Variants in FRS2 observed in about 807,000 individuals in gnomAD.
FRS2 encodes the protein FGFR signalling adaptor.
Under a neutral mutation model 43.9 loss-of-function variants are expected in FRS2, and 8 were observed. The ratio of observed to expected loss-of-function variants is 0.18; its 90% confidence interval spans 0.11 to 0.33. The LOEUF is 0.33. Ranked by LOEUF, FRS2 falls within the 10% of genes least tolerant of loss-of-function variation. The pLI, the probability that FRS2 is intolerant of heterozygous loss-of-function variation, is 1.00. For missense variants in FRS2, 534 were observed against 627.6 expected, an observed-to-expected ratio of 0.85 and a Z score of 1.59; for synonymous variants, 219 against 220.3, an observed-to-expected ratio of 0.99 and a Z score of 0.05.
At chr12:69,485,584 G>A (rs1293254650) in intron 1 of FRS2, among the ~76,000 whole-genome samples, 2 of 152,034 alleles carry the variant, frequency 1.3e-5, no homozygotes, top group African/African-American at 4.8e-5. Context: ...CCAAGTTCAG[G>A]CGATTTTCCT....
At chr12:69,553,369 C>T (rs1054909286) in intron 3 of FRS2, among the ~76,000 whole-genome samples, 1 of 152,196 alleles carries the variant, frequency 6.6e-6, no homozygotes, top group African/African-American at 2.4e-5. Context: ...CTGCGCCTGG[C>T]CCACTTGGAG....
At chr12:69,547,237 G>A (rs2135724279) in intron 3 of FRS2, among the ~76,000 whole-genome samples, 1 of 152,132 alleles carries the variant, frequency 6.6e-6, no homozygotes, top group East Asian at 1.9e-4. Context: ...TAACGGCCGT[G>A]GAGTTTCAGT....
At chr12:69,533,443 G>A (rs1876992437) in intron 3 of FRS2, among the ~76,000 whole-genome samples, 1 of 151,824 alleles carries the variant, frequency 6.6e-6, no homozygotes, top group Admixed American at 6.6e-5. Context: ...TCCGCCTCCT[G>A]GGTTCAAGTG....
chr12:69,543,617 G>T (rs909710035), intron 3 of FRS2, among the ~76,000 whole-genome samples: 5 of 151,772 alleles, frequency 3.3e-5, no homozygotes, highest in Non-Finnish European at 7.4e-5. Context: ...GTGGGTAAGG[G>T]TTTATCTATT....
At chr12:69,482,817 T>C (rs1350406794) in intron 1 of FRS2, among the ~76,000 whole-genome samples, 1 of 152,230 alleles carries the variant, frequency 6.6e-6, no homozygotes, top group African/African-American at 2.4e-5. Flanking sequence ...AATTGACTGA[T>C]ATTTTCATTT....
intron 3 of FRS2, among the ~76,000 whole-genome samples, chr12:69,539,420 A>G (rs1180259927): frequency 6.6e-6 from 1 of 152,134 alleles, no homozygotes. Flanking sequence ...CATATACATA[A>G]TGAGATATCT....
At chr12:69,491,261 A>AT (rs532820003) in intron 1 of FRS2, among the ~76,000 whole-genome samples, 1 of 151,684 alleles carries the variant, frequency 6.6e-6, no homozygotes, top group African/African-American at 2.4e-5. Context: ...CACCTGCCTA[A>AT]TTTTTTATAT....
intron 1 of FRS2, among the ~76,000 whole-genome samples, chr12:69,485,116 C>CAG (rs1871768486): frequency 6.7e-6 from 1 of 149,284 alleles, no homozygotes. Flanking sequence ...CACACACACA[C>CAG]ACACACACAC....
chr12:69,484,519 T>C (rs1871653083), intron 1 of FRS2, among the ~76,000 whole-genome samples: 1 of 152,222 alleles, frequency 6.6e-6, no homozygotes, highest in Non-Finnish European at 1.5e-5. Context: ...CTTTGGTCTT[T>C]ATCATTATCT....
At chr12:69,556,211 CT>C (rs1442681779) in intron 3 of FRS2, among the ~76,000 whole-genome samples, 3 of 152,068 alleles carry the variant, frequency 2.0e-5, no homozygotes, top group Admixed American at 6.6e-5. Context: ...CATATTTAGA[CT>C]TTTAATATTA....
At chr12:69,530,499 G>A (rs1333187245) in intron 1 of FRS2, among the ~76,000 whole-genome samples, 1 of 152,194 alleles carries the variant, frequency 6.6e-6, no homozygotes, top group Non-Finnish European at 1.5e-5. Flanking sequence ...AGCACTTTGG[G>A]AGGCTGAGAT....
In FRS2 at chr12:69,576,156, G is replaced by C. The variant is rs1392216084; in HGVS notation, c.*1201G>C. 6.6e-6 allele frequency: 1 copy of C among 152,386 alleles called. No homozygotes were observed. The highest frequency in any genetic ancestry group is 1.5e-5 in the Non-Finnish European group (1 of 68,024). 9.4% of individuals were successfully genotyped at this position (152,386 alleles called of 1,614,324 possible). On this transcript the variant is annotated 3_prime_UTR_variant, in exon 9 of 9. Coordinates refer to ENST00000549921, the MANE Select transcript of FRS2 (RefSeq NM_001278356.2). ...CAAGGTGTACCGTGTTGTCTCTGTGGGCACTCTTCCCCAGCACTTTAGCAG... is the reference window on the plus strand; with the variant it reads ...CAAGGTGTACCGTGTTGTCTCTGTGCGCACTCTTCCCCAGCACTTTAGCAG...
chr12:69,550,628 T>A (rs914156424), intron 3 of FRS2, among the ~76,000 whole-genome samples: 2 of 152,230 alleles, frequency 1.3e-5, no homozygotes, highest in African/African-American at 4.8e-5. Context: ...CCTTTCATTT[T>A]AAATTCTAAT....
chr12:69,524,625 C>T (rs1876020200), intron 1 of FRS2, among the ~76,000 whole-genome samples: 1 of 152,094 alleles, frequency 6.6e-6, no homozygotes, highest in African/African-American at 2.4e-5. Context: ...AAGACTGGCT[C>T]TGCAGAGTTC....
chr12:69,497,596 A>T (rs1417347148), intron 1 of FRS2, among the ~76,000 whole-genome samples: 1 of 152,190 alleles, frequency 6.6e-6, no homozygotes, highest in East Asian at 1.9e-4. Flanking sequence ...ACTAGGTTTT[A>T]ACATAAAATT....
chr12:69,483,870 G>A (rs745453825), intron 1 of FRS2, among the ~76,000 whole-genome samples: 2 of 152,090 alleles, frequency 1.3e-5, no homozygotes, highest in Non-Finnish European at 2.9e-5. Flanking sequence ...CAAAAGGATA[G>A]TATTACTAGT....
chr12:69,572,160 G>T lies in FRS2; in HGVS notation c.455G>T (p.Arg152Leu). ...CAGAACTTACCTAATGGATATCCCC[G>T]ATATCCCTCATTTGGAGATGCTTCA... is the stretch of plus-strand genomic sequence containing the variant. ...AAQNLPNGYPRYPSFGDASSH... is the reference protein window; with the variant it reads ...AAQNLPNGYPLYPSFGDASSH... The change falls in exon 8 of 9, where the codon CGA becomes CTA. Residue 152 changes from arginine (R) to leucine (L), a missense_variant. Coordinates refer to ENST00000549921, the MANE Select transcript of FRS2 (RefSeq NM_001278356.2). 2 of 1,613,524 alleles carry T rather than the reference G, an allele frequency of 1.2e-6. No individual in the cohort carries two copies. Among genetic ancestry groups the T allele is most frequent in the South Asian group, 1.1e-5 (1 of 91,036 alleles).
Position 69,538,057 on chromosome 12 carries a change from T to C in FRS2, c.-122+6001T>C, listed in dbSNP as rs548969560. The C allele has an allele frequency of 7.2e-5, 11 of 152,592 alleles. No individual in the cohort carries two copies. In the East Asian group the frequency reaches 2.1e-3, roughly 29 times the overall value. The allele number at this position is 152,592 out of a possible 1,614,324, so 9.5% of individuals were successfully genotyped here. Reference sequence around the variant, plus strand: ...AACTGTATGGAAGGCAGTCTTGATCTATATAGTCTGTCTCCCGCAGTCTGC... The same window carrying C: ...AACTGTATGGAAGGCAGTCTTGATCCATATAGTCTGTCTCCCGCAGTCTGC... On this transcript the variant is annotated intron_variant, in intron 3 of 8. Coordinates refer to ENST00000549921, the MANE Select transcript of FRS2 (RefSeq NM_001278356.2).
intron 3 of FRS2, among the ~76,000 whole-genome samples, chr12:69,557,617 T>C (rs867794798): frequency 1.8e-3 from 210 of 117,092 alleles, no homozygotes; most frequent in Middle Eastern, 8.7e-3. Context: ...TGTGTGTGTG[T>C]GTGCGCGCGC....
Sources: gnomAD v4.1 joint callset for allele counts (sites outside exome capture counted in the v4.1 genomes callset) on GRCh38, gnomAD v4.1.1 for gene constraint, MANE v1.5 for transcripts, NCBI Gene and HGNC (gene_info 2026-07-23, HGNC 2026-07-21) for gene names.